The following ADARB2 variants were observed in gnomAD, a reference collection of about 807,000 sequenced individuals.
ADARB2 encodes the protein adenosine deaminase RNA specific B2 (inactive).
In ADARB2, 25 loss-of-function variants were observed where a neutral mutation model predicts 62.2. That is an observed-to-expected ratio of 0.40 (90% confidence interval 0.29 to 0.56). The LOEUF is 0.56. Among genes scored for constraint, ADARB2 ranks in the 20% least tolerant of loss-of-function variants. The pLI, the probability that ADARB2 is intolerant of heterozygous loss-of-function variation, is 0.43. For synonymous variants in ADARB2, 572 were observed against 500.8 expected, an observed-to-expected ratio of 1.14 and a Z score of -1.90; for missense variants, 1,071 against 1,077.4, an observed-to-expected ratio of 0.99 and a Z score of 0.08.
At chr10:1,302,286 C>T (rs4880817) in intron 3 of ADARB2, among the ~76,000 whole-genome samples, 3 of 150,690 alleles carry the variant, frequency 2.0e-5, no homozygotes, top group East Asian at 1.9e-4. Flanking sequence ...CTGGAAAATC[C>T]GGTCACTCCC....
In ADARB2 at chr10:1,220,063, ATGATGG is replaced by A. The variant is rs1427428671; in HGVS notation, c.1514-2950_1514-2945del. On this transcript the variant is annotated intron_variant, in intron 6 of 9. Transcript: ENST00000381312. Reference sequence around the variant, plus strand: ...GGTAATGGTGATGGTGGTGGTGGTGATGATGGTGATGGTGATGATGGTGGTAATGGT... The same window carrying A: ...GGTAATGGTGATGGTGGTGGTGGTGATGATGGTGATGATGGTGGTAATGGT... Among the ~76,000 whole-genome samples, 722 of 129,298 alleles carry A rather than the reference ATGATGG, an allele frequency of 5.6e-3. 6 individuals are homozygous for A. Among genetic ancestry groups the A allele is most frequent in the African/African-American group, 0.02 (662 of 33,388 alleles). 84.8% of individuals were successfully genotyped at this position (129,298 alleles called of 152,430 possible).
chr10:1,546,407 T>C (rs1215020731), intron 1 of ADARB2, among the ~76,000 whole-genome samples: 1 of 152,178 alleles, frequency 6.6e-6, no homozygotes, highest in African/African-American at 2.4e-5. Context: ...CCGTTACCAC[T>C]GTTGACCAGC....
At chr10:1,360,751 G>C (rs12240503) in intron 3 of ADARB2, among the ~76,000 whole-genome samples, 19,148 of 152,184 alleles carry the variant, frequency 0.13, 1,350 homozygotes, top group South Asian at 0.28. Flanking sequence ...TGCGCCCTTC[G>C]TCATCCAGTC....
chr10:1,253,093 G>A (rs965741927), intron 4 of ADARB2, among the ~76,000 whole-genome samples: 1 of 152,202 alleles, frequency 6.6e-6, no homozygotes, highest in Non-Finnish European at 1.5e-5. Flanking sequence ...GAATTTAATT[G>A]TGTTCAGTTA....
At chr10:1,617,519 C>A (rs377082750) in intron 1 of ADARB2, among the ~76,000 whole-genome samples, 3,070 of 64,034 alleles carry the variant, frequency 0.048, no homozygotes, top group African/African-American at 0.092. Context: ...TGTGCTCTGC[C>A]TCCTGGGAAC....
chr10:1,517,666 G>A (rs916743854), intron 1 of ADARB2, among the ~76,000 whole-genome samples: 2 of 152,112 alleles, frequency 1.3e-5, no homozygotes, highest in Non-Finnish European at 2.9e-5. Flanking sequence ...ACTTACACAC[G>A]CAGCTTTCTG....
At chr10:1,469,018 T>C (rs978607987) in intron 1 of ADARB2, among the ~76,000 whole-genome samples, 1 of 152,212 alleles carries the variant, frequency 6.6e-6, no homozygotes, top group Non-Finnish European at 1.5e-5. Context: ...CCACGTGTTC[T>C]TTCCAACACA....
At chr10:1,454,731 C>T (rs1332292629) in intron 1 of ADARB2, among the ~76,000 whole-genome samples, 1 of 152,052 alleles carries the variant, frequency 6.6e-6, no homozygotes, top group Non-Finnish European at 1.5e-5. Context: ...ATGAAACTTT[C>T]TGTAGACGGA....
chr10:1,585,882 A>G (rs1833170628), intron 1 of ADARB2, among the ~76,000 whole-genome samples: 1 of 152,078 alleles, frequency 6.6e-6, no homozygotes, highest in Non-Finnish European at 1.5e-5. Context: ...AAAATACAAA[A>G]AACTGGCTGG....
intron 1 of ADARB2, among the ~76,000 whole-genome samples, chr10:1,708,670 T>C (rs761578235): frequency 4.6e-5 from 7 of 152,208 alleles, no homozygotes; most frequent in African/African-American, 1.7e-4. Context: ...AAATTCAATA[T>C]CATTTTAGGG....
intron 3 of ADARB2, among the ~76,000 whole-genome samples, chr10:1,284,455 C>T (rs1191615480): frequency 6.6e-6 from 1 of 152,202 alleles, no homozygotes; most frequent in East Asian, 1.9e-4. Context: ...TGGACCTGCA[C>T]TATAGCTGTT....
rs184766033 is a variant in ADARB2 at position 1,483,675 on chromosome 10, C to T, written c.101-104515G>A. On this transcript the variant is annotated intron_variant, in intron 1 of 9. Transcript: ENST00000381312. The stretch of plus-strand genomic sequence containing the variant: ...AAGTCAGTTTGATTATTATGTGATG[C>T]CAACAAAAGTGTTTGAAAATGACGA... Among the ~76,000 whole-genome samples the T allele has an allele frequency of 6.6e-3, 1,006 of 152,270 alleles. 10 individuals carry two copies. The highest frequency in any genetic ancestry group is 0.035 in the South Asian group (170 of 4,790).
At chr10:1,399,412 A>G (rs1832643214) in intron 1 of ADARB2, among the ~76,000 whole-genome samples, 2 of 151,996 alleles carry the variant, frequency 1.3e-5, no homozygotes, top group South Asian at 4.2e-4. Flanking sequence ...TGACATTTAT[A>G]AAGAATCTGG....
At chr10:1,507,116 A>G (rs1289362563) in intron 1 of ADARB2, among the ~76,000 whole-genome samples, 1 of 152,200 alleles carries the variant, frequency 6.6e-6, no homozygotes, top group Non-Finnish European at 1.5e-5. Context: ...AGCACTTCTG[A>G]GTCCTAGGGT....
At chr10:1,369,471 C>G (rs1202978429) in intron 2 of ADARB2, among the ~76,000 whole-genome samples, 1 of 152,158 alleles carries the variant, frequency 6.6e-6, no homozygotes, top group Non-Finnish European at 1.5e-5. Context: ...AAACCCCTCA[C>G]TCTTTCTCTG....
intron 3 of ADARB2, among the ~76,000 whole-genome samples, chr10:1,326,861 C>CCAGCGCCTACCCACGGCA (rs1831858072): frequency 5.7e-5 from 1 of 17,656 alleles, no homozygotes; most frequent in Admixed American, 5.1e-4. Context: ...TCCCCACTGC[C>CCAGCGCCTACCCACGGCA]CAGCGCCTCC....
At chr10:1,369,896 C>T (rs145601155) in intron 2 of ADARB2, among the ~76,000 whole-genome samples, 17 of 152,326 alleles carry the variant, frequency 1.1e-4, no homozygotes, top group African/African-American at 3.8e-4. Context: ...TGAATGGACT[C>T]GTTGTCTCTG....
intron 1 of ADARB2, among the ~76,000 whole-genome samples, chr10:1,481,213 A>G (rs771867712): frequency 3.9e-5 from 6 of 152,266 alleles, no homozygotes; most frequent in African/African-American, 7.2e-5. Flanking sequence ...GTCAATGCAG[A>G]AAGGATAGTC....
At chr10:1,434,354 C>G (rs371201240) in intron 1 of ADARB2, among the ~76,000 whole-genome samples, 2 of 152,214 alleles carry the variant, frequency 1.3e-5, no homozygotes, top group East Asian at 3.8e-4. Context: ...GGCCTGCTGT[C>G]TTTGTGTCAG....
Sources: allele counts gnomAD v4.1 joint callset (sites outside exome capture counted in the v4.1 genomes callset), GRCh38; gene constraint gnomAD v4.1.1; transcripts MANE v1.5; gene names NCBI Gene and HGNC (gene_info 2026-07-23, HGNC 2026-07-21).